ARHGAP24: variants seen among roughly 807,000 people sequenced by gnomAD.
ARHGAP24 encodes the protein rho GTPase-activating protein 24.
In ARHGAP24, 50 loss-of-function variants were observed where a neutral mutation model predicts 76.4. The ratio of observed to expected loss-of-function variants is 0.65; its 90% confidence interval spans 0.52 to 0.83. ARHGAP24 has a LOEUF of 0.83. Ranked by LOEUF, ARHGAP24 falls within the 40% of genes least tolerant of loss-of-function variation. ARHGAP24 has a pLI of 0.00. For missense variants in ARHGAP24, 930 were observed against 914.2 expected (o/e 1.02, Z -0.22); for synonymous variants, 345 against 323.3 (o/e 1.07, Z -0.72).
At chr4:85,979,212 C>A (rs974591662) in intron 8 of ARHGAP24, among the ~76,000 whole-genome samples, 4 of 152,138 alleles carry the variant, frequency 2.6e-5, no homozygotes, top group Admixed American at 2.0e-4. Flanking sequence ...CACATAATGT[C>A]ACTTCATCTC....
chr4:85,847,783 A>G (rs1730968755), intron 3 of ARHGAP24, among the ~76,000 whole-genome samples: 1 of 152,162 alleles, frequency 6.6e-6, no homozygotes, highest in South Asian at 2.1e-4. Context: ...CCACAGCATT[A>G]GAGATTAGAG....
chr4:85,504,968 T>C (rs1723985644), intron 1 of ARHGAP24, among the ~76,000 whole-genome samples: 1 of 152,162 alleles, frequency 6.6e-6, no homozygotes, highest in Non-Finnish European at 1.5e-5. Flanking sequence ...TTATTTTCCC[T>C]TCACTCATGA....
chr4:85,764,406 A>G (rs1379037768), intron 3 of ARHGAP24, among the ~76,000 whole-genome samples: 1 of 152,160 alleles, frequency 6.6e-6, no homozygotes, highest in Non-Finnish European at 1.5e-5. Context: ...TTCCCAAGCA[A>G]TATTAATGTG....
chr4:85,491,065 A>G (rs537574636), intron 1 of ARHGAP24, among the ~76,000 whole-genome samples: 1 of 152,236 alleles, frequency 6.6e-6, no homozygotes, highest in African/African-American at 2.4e-5. Flanking sequence ...TGCAATTGGT[A>G]TTTATAAGGG....
At position 85,732,315 on chromosome 4, in the gene ARHGAP24, C is replaced by G. The variant is rs908002292; in HGVS notation, c.268+10343C>G. ...AGAATGAGAAAGGGGAATCATACTT[C>G]AAAGGAAAAGAAACAGATGAGGAAA... On this transcript the variant is annotated intron_variant, in intron 3 of 9. Transcript: ENST00000395184. 2.6e-5 allele frequency among the ~76,000 whole-genome samples: 4 copies of G among 152,058 alleles called. No homozygotes were observed. The East Asian group carries it at 7.7e-4, about 29-fold the overall frequency.
Position 85,570,815 on chromosome 4 carries a change from G to A in ARHGAP24, c.180+94G>A, listed in dbSNP as rs113510981. The A allele has an allele frequency of 3.1e-3, 4,247 of 1,357,474 alleles. 115 individuals are homozygous for A. In the African/African-American group the frequency reaches 0.054, roughly 17 times the overall value. The allele number at this position is 1,357,474 out of a possible 1,614,324, so 84.1% of individuals were successfully genotyped here. ...CCGATTGGGACTGAGACCACCCAAA[G>A]CTCCCTGGTCTCCTTCAGTTCATTG... On this transcript the variant is annotated intron_variant, in intron 2 of 9. Transcript: ENST00000395184.
intron 1 of ARHGAP24, among the ~76,000 whole-genome samples, chr4:85,553,031 G>A (rs2128096): frequency 1.6e-4 from 25 of 152,030 alleles, no homozygotes; most frequent in African/African-American, 5.6e-4. Context: ...CATTCCTCCC[G>A]GTGGATTTGT....
At chr4:85,923,343 A>G (rs1341857721) in intron 3 of ARHGAP24, among the ~76,000 whole-genome samples, 2 of 152,092 alleles carry the variant, frequency 1.3e-5, no homozygotes, top group Admixed American at 6.5e-5. Flanking sequence ...CTCCCTATTC[A>G]GCAGCTTCGC....
At chr4:85,799,842 GTCA>G (rs1728507014) in intron 3 of ARHGAP24, among the ~76,000 whole-genome samples, 1 of 152,120 alleles carries the variant, frequency 6.6e-6, no homozygotes, top group Non-Finnish European at 1.5e-5. Context: ...TCCTCTCTGT[GTCA>G]TCATTTCTAA....
At chr4:85,813,117 T>G (rs1290665714) in intron 3 of ARHGAP24, among the ~76,000 whole-genome samples, 1 of 152,192 alleles carries the variant, frequency 6.6e-6, no homozygotes, top group East Asian at 1.9e-4. Flanking sequence ...CGTTCCAAGA[T>G]GAGTTAGGAG....
rs771993488 is a variant in ARHGAP24, at chr4:85,994,587, T to C, written c.933T>C (p.Thr311=). Residue 311 remains threonine (T), a synonymous_variant, in exon 9 of 10, where the codon ACT becomes ACC. Transcript: ENST00000395184. ...TTATGTTCTATGCAATTCTAGGCACTGTGGTGGTCCAGCAGTTGATGTCAG... is the reference window on the plus strand; with the variant it reads ...TTATGTTCTATGCAATTCTAGGCACCGTGGTGGTCCAGCAGTTGATGTCAG... The part of the protein sequence containing the change: ...VEDPLTIMEG[T]VVVQQLMSVM... 9 of 1,614,182 alleles carry C rather than the reference T, an allele frequency of 5.6e-6. No individual in the cohort carries two copies. In the East Asian group the frequency reaches 2.0e-4, roughly 36 times the overall value.
chr4:85,864,338 G>A (rs1031748141), intron 3 of ARHGAP24, among the ~76,000 whole-genome samples: 4 of 152,044 alleles, frequency 2.6e-5, no homozygotes, highest in Admixed American at 2.0e-4. Flanking sequence ...ACATTTGTTA[G>A]GAAATGGCTT....
intron 2 of ARHGAP24, among the ~76,000 whole-genome samples, chr4:85,637,575 G>A (rs1385767215): frequency 1.3e-5 from 2 of 151,936 alleles, no homozygotes; most frequent in East Asian, 1.9e-4. Flanking sequence ...TGTCTACATA[G>A]TCCAAATTTA....
chr4:85,761,284 A>T (rs139477995), intron 3 of ARHGAP24, among the ~76,000 whole-genome samples: 1 of 152,276 alleles, frequency 6.6e-6, no homozygotes, highest in South Asian at 2.1e-4. Flanking sequence ...TGCAGCCAAG[A>T]TATTTCTAGA....
intron 3 of ARHGAP24, among the ~76,000 whole-genome samples, chr4:85,915,665 G>A (rs985852835): frequency 1.5e-4 from 23 of 151,606 alleles, no homozygotes; most frequent in Admixed American, 1.1e-3. Flanking sequence ...GTGAGAACAC[G>A]TGGTGTTTGA....
At chr4:85,643,665 C>T (rs1721613402) in intron 2 of ARHGAP24, among the ~76,000 whole-genome samples, 1 of 152,068 alleles carries the variant, frequency 6.6e-6, no homozygotes, top group Non-Finnish European at 1.5e-5. Context: ...TAAAATAAAA[C>T]ACTTTGGATG....
intron 3 of ARHGAP24, among the ~76,000 whole-genome samples, chr4:85,894,999 AGC>A (rs373934363): frequency 0.037 from 800 of 21,620 alleles, 7 homozygotes; most frequent in Middle Eastern, 0.1. Flanking sequence ...CAAAACAAAA[AGC>A]AAAAAAAAAA....
chr4:85,834,654 GGAA>G (rs2110139676), intron 3 of ARHGAP24, among the ~76,000 whole-genome samples: 1 of 152,264 alleles, frequency 6.6e-6, no homozygotes, highest in East Asian at 1.9e-4. Context: ...CGTGGTTTCT[GGAA>G]GAAGTCAAAG....
At chr4:85,616,771 G>A (rs1427012225) in intron 2 of ARHGAP24, among the ~76,000 whole-genome samples, 3 of 152,040 alleles carry the variant, frequency 2.0e-5, no homozygotes, top group Non-Finnish European at 2.9e-5. Flanking sequence ...GGGATTACAG[G>A]GGTGCGCCAC....
Sources: allele counts gnomAD v4.1 joint callset (sites outside exome capture counted in the v4.1 genomes callset), GRCh38; gene constraint gnomAD v4.1.1; transcripts MANE v1.5; gene names NCBI Gene and HGNC (gene_info 2026-07-23, HGNC 2026-07-21).